HSD17B4: variants seen among roughly 807,000 people sequenced by gnomAD.
HSD17B4 encodes the protein peroxisomal multifunctional enzyme type 2.
A neutral mutation model predicts 101.0 loss-of-function variants in HSD17B4; 70 were observed. The ratio of observed to expected loss-of-function variants is 0.69; its 90% confidence interval spans 0.57 to 0.85. HSD17B4 has a LOEUF of 0.85. Among genes scored for constraint, HSD17B4 ranks in the 40% least tolerant of loss-of-function variants. HSD17B4 has a pLI of 0.00. For synonymous variants in HSD17B4, 347 were observed against 297.1 expected (o/e 1.17, Z -1.73); for missense variants, 984 against 892.4 (o/e 1.10, Z -1.31).
intron 8 of HSD17B4, 84 bp from the exon 9 acceptor site, chr5:119,489,108 C>A: frequency 2.2e-6 from 2 of 927,784 alleles, no homozygotes; most frequent in Non-Finnish European, 1.8e-6. Flanking sequence ...TTTTAAAGGT[C>A]TCTGAATTAC....
intron 20 of HSD17B4, among the ~76,000 whole-genome samples, chr5:119,529,047 A>G (rs1385682155): frequency 6.6e-6 from 1 of 152,166 alleles, no homozygotes; most frequent in Non-Finnish European, 1.5e-5. Flanking sequence ...ATCTCTTTCC[A>G]TGCTTTTCAA....
At chr5:119,477,074 T>C (rs1439104806) in intron 6 of HSD17B4, among the ~76,000 whole-genome samples, 4 of 152,174 alleles carry the variant, frequency 2.6e-5, no homozygotes, top group Non-Finnish European at 5.9e-5. Context: ...CTGATGTTAG[T>C]GTTGGGTGCC....
At chr5:119,488,504 A>G (rs543120253) in intron 8 of HSD17B4, among the ~76,000 whole-genome samples, 1 of 152,298 alleles carries the variant, frequency 6.6e-6, no homozygotes, top group South Asian at 2.1e-4. Flanking sequence ...TTCTCAACAC[A>G]AAGACAAGAT....
chr5:119,534,408 A>G (rs1040126794), intron 22 of HSD17B4, among the ~76,000 whole-genome samples: 1 of 152,080 alleles, frequency 6.6e-6, no homozygotes, highest in Non-Finnish European at 1.5e-5. Flanking sequence ...ATGTGACTGG[A>G]TGAGGATGTT....
chr5:119,510,593 T>C (rs980027259), intron 16 of HSD17B4, among the ~76,000 whole-genome samples: 6 of 152,204 alleles, frequency 3.9e-5, no homozygotes, highest in Non-Finnish European at 7.4e-5. Flanking sequence ...CCATGACTTG[T>C]AAAAAATTAT....
At position 119,471,921 on chromosome 5, in the gene HSD17B4, C is replaced by A. The variant is rs1346294038; in HGVS notation, c.113-1987C>A. 2.0e-5 allele frequency among the ~76,000 whole-genome samples: 3 copies of A among 152,234 alleles called. No individual in the cohort carries two copies. In the East Asian group the frequency reaches 5.8e-4, roughly 29 times the overall value. On this transcript the variant is annotated intron_variant, in intron 2 of 23. Coordinates refer to ENST00000510025, the MANE Select transcript of HSD17B4 (RefSeq NM_000414.4). Reference sequence around the variant, plus strand: ...TACTTAACTTTCAATAGATTATAAACTCTTTGAGGGCAAACACCATTCTTA... The same window carrying A: ...TACTTAACTTTCAATAGATTATAAAATCTTTGAGGGCAAACACCATTCTTA...
intron 20 of HSD17B4, among the ~76,000 whole-genome samples, chr5:119,527,763 TA>T (rs1753733240): frequency 6.6e-6 from 1 of 152,120 alleles, no homozygotes; most frequent in Non-Finnish European, 1.5e-5. Context: ...TATAGAACAA[TA>T]AAATCTTATC....
intron 15 of HSD17B4, among the ~76,000 whole-genome samples, chr5:119,507,783 CA>C (rs199606262): frequency 0.17 from 19,310 of 116,614 alleles, 1,881 homozygotes; most frequent in African/African-American, 0.32. Flanking sequence ...GACTCTGTAC[CA>C]AAAAAAAAAA....
At chr5:119,477,574 T>G in intron 7 of HSD17B4, 73 bp downstream of exon 7, 5 of 975,892 alleles carry the variant, frequency 5.1e-6, no homozygotes, top group African/African-American at 1.6e-5. Context: ...AGGGAAAGAT[T>G]ATGTGAAGTG....
intron 20 of HSD17B4, among the ~76,000 whole-genome samples, chr5:119,528,255 A>G (rs757041066): frequency 1.3e-5 from 2 of 152,158 alleles, no homozygotes; most frequent in Admixed American, 6.6e-5. Flanking sequence ...CATGGCTTCA[A>G]AGCTTTGATT....
At chr5:119,463,619 A>G (rs1227290617) in intron 2 of HSD17B4, among the ~76,000 whole-genome samples, 1 of 129,896 alleles carries the variant, frequency 7.7e-6, no homozygotes, top group Non-Finnish European at 1.6e-5. Context: ...AGTGATGTTG[A>G]ACATTTTTTC....
At chr5:119,490,445 T>C (rs1183999574) in intron 9 of HSD17B4, among the ~76,000 whole-genome samples, 1 of 152,236 alleles carries the variant, frequency 6.6e-6, no homozygotes, top group Non-Finnish European at 1.5e-5. Context: ...AAATTTCGAA[T>C]ATATAAGACC....
chr5:119,479,553 T>A (rs1342263809), intron 8 of HSD17B4, among the ~76,000 whole-genome samples: 1 of 152,176 alleles, frequency 6.6e-6, no homozygotes, highest in East Asian at 1.9e-4. Context: ...CACAAATGCA[T>A]AAAGTTATGT....
At chr5:119,467,715 G>A (rs560236354) in intron 2 of HSD17B4, among the ~76,000 whole-genome samples, 1 of 152,300 alleles carries the variant, frequency 6.6e-6, no homozygotes, top group South Asian at 2.1e-4. Context: ...TATGAAATTT[G>A]CATATATGGA....
At chr5:119,492,830 A>C (rs1440724281) in intron 10 of HSD17B4, 1 of 152,130 alleles carries the variant, frequency 6.6e-6, no homozygotes, top group Non-Finnish European at 1.5e-5. Flanking sequence ...GCTTTATGGC[A>C]TTAAAAAAAT....
intron 2 of HSD17B4, among the ~76,000 whole-genome samples, chr5:119,457,017 G>C (rs1754746409): frequency 6.6e-6 from 1 of 152,078 alleles, no homozygotes; most frequent in African/African-American, 2.4e-5. Flanking sequence ...TAATTGAGGG[G>C]GCAGTTACAT....
At chr5:119,463,785 C>T (rs1467005534) in intron 2 of HSD17B4, among the ~76,000 whole-genome samples, 1 of 147,992 alleles carries the variant, frequency 6.8e-6, no homozygotes, top group Non-Finnish European at 1.5e-5. Context: ...TCTCCTGCTT[C>T]AGCCTCCTTA....
At chr5:119,530,246 T>G in intron 21 of HSD17B4, 1 of 429,844 alleles carries the variant, frequency 2.3e-6, no homozygotes, top group Non-Finnish European at 4.2e-6. Context: ...AAATCAGTTG[T>G]TTAATCAGAA....
At chr5:119,540,445 A>C (rs927502594) in intron 23 of HSD17B4, among the ~76,000 whole-genome samples, 1 of 152,180 alleles carries the variant, frequency 6.6e-6, no homozygotes. Context: ...CTTCTGCTCA[A>C]AAATGTCCAA....
Sources: allele counts gnomAD v4.1 joint callset (sites outside exome capture counted in the v4.1 genomes callset), GRCh38; gene constraint gnomAD v4.1.1; transcripts MANE v1.5; gene names NCBI Gene and HGNC (gene_info 2026-07-23, HGNC 2026-07-21).